CDC42: variants seen among roughly 807,000 people sequenced by gnomAD.
The protein encoded by CDC42 is cell division control protein 42 homolog.
In CDC42, 1 loss-of-function variant was observed where a neutral mutation model predicts 20.8. The observed-to-expected ratio is 0.05, with a 90% CI of 0.02 to 0.23. The LOEUF (loss-of-function observed/expected upper bound fraction) is 0.23. CDC42 is among the 10% of genes least tolerant of loss of function. The probability of loss-of-function intolerance (pLI) is 1.00; values close to 1 mark genes in which losing one functional copy is unlikely to be tolerated. For synonymous variants in CDC42, 72 were observed against 84.8 expected (o/e 0.85, Z 0.83); for missense variants, 49 against 227.9 (o/e 0.21, Z 5.05).
chr1:22,095,527 C>T lies in CDC42; in HGVS notation c.*4010C>T, dbSNP rs764227733. Among the ~76,000 whole-genome samples the T allele has an allele frequency of 8.5e-5, 13 of 152,074 alleles. No homozygotes were observed. The highest frequency in any genetic ancestry group is 1.8e-4 in the Non-Finnish European group (12 of 68,014). ...CTCGTGATCCGCCCGCCTTGGCCTC[C>T]CAAAGTGCTAGGATTACAGGCGTGA... is the stretch of plus-strand genomic sequence containing the variant. On this transcript the variant is annotated 3_prime_UTR_variant, in exon 6 of 6. Coordinates refer to ENST00000656825, the MANE Select transcript of CDC42 (RefSeq NM_001791.4).
intron 1 of CDC42, chr1:22,068,636 A>G (rs1216333443): frequency 1.3e-5 from 2 of 152,528 alleles, no homozygotes; most frequent in African/African-American, 2.4e-5. Flanking sequence ...TCTTCACATA[A>G]CAAGAGATGC....
chr1:22,055,798 T>C (rs1645298782), intron 1 of CDC42, among the ~76,000 whole-genome samples: 1 of 151,844 alleles, frequency 6.6e-6, no homozygotes, highest in Non-Finnish European at 1.5e-5. Context: ...CAGGCTTTCT[T>C]GGAAGTAAAA....
chr1:22,090,138 C>T, intron 5 of CDC42: 1 of 1,450,674 alleles, frequency 6.9e-7, no homozygotes, highest in Non-Finnish European at 9.2e-7. Flanking sequence ...GCCTCTGCGT[C>T]TTTTTACTCA....
chr1:22,096,324 A>T lies in CDC42; in HGVS notation c.*4807A>T, dbSNP rs1348784419. Reference sequence around the variant, plus strand: ...TAGGTTTTTTTAAAGCAATTAAGGCACTGAGGATATACAGAGAGTAAAATA... The same window carrying T: ...TAGGTTTTTTTAAAGCAATTAAGGCTCTGAGGATATACAGAGAGTAAAATA... On this transcript the variant is annotated 3_prime_UTR_variant, in exon 6 of 6. Transcript: ENST00000656825. Among the ~76,000 whole-genome samples, 2 of 152,146 alleles carry T rather than the reference A, an allele frequency of 1.3e-5. No individual in the cohort carries two copies. Among genetic ancestry groups the T allele is most frequent in the African/African-American group, 4.8e-5 (2 of 41,422 alleles).
chr1:22,076,169 G>A (rs921322838), intron 1 of CDC42, among the ~76,000 whole-genome samples: 3 of 152,140 alleles, frequency 2.0e-5, no homozygotes, highest in African/African-American at 7.2e-5. Context: ...ATCAAGAGCA[G>A]GGACTTGAGG....
intron 1 of CDC42, among the ~76,000 whole-genome samples, chr1:22,070,428 C>T (rs1186944138): frequency 6.9e-6 from 1 of 144,398 alleles, no homozygotes; most frequent in African/African-American, 2.6e-5. Flanking sequence ...CCTTTGTTGT[C>T]CTCTGCCTTT....
chr1:22,056,863 A>G (rs1645309433), intron 1 of CDC42, among the ~76,000 whole-genome samples: 1 of 152,270 alleles, frequency 6.6e-6, no homozygotes. Context: ...CATGGTATTC[A>G]CTAAGCACTG....
At chr1:22,081,677 A>G (rs763869197) in intron 2 of CDC42, 45 bp from the exon 3 acceptor site, 2 of 1,214,996 alleles carry the variant, frequency 1.6e-6, no homozygotes, top group East Asian at 4.6e-5. Context: ...TCCCATTTTA[A>G]CTCTCTCCTT....
Position 22,100,402 on chromosome 1 carries a change from G to C in CDC42, c.*8885G>C, listed in dbSNP as rs775850156. Among the ~76,000 whole-genome samples, 2 of 152,238 alleles carry C rather than the reference G, an allele frequency of 1.3e-5. No individual in the cohort carries two copies. The highest frequency in any genetic ancestry group is 2.9e-5 in the Non-Finnish European group (2 of 68,048). ...GAAACAACTTGGCATTGTTGGTGTTGTGCGAAGTACATGCATAGGCTTTGG... is the reference window on the plus strand; with the variant it reads ...GAAACAACTTGGCATTGTTGGTGTTCTGCGAAGTACATGCATAGGCTTTGG... On this transcript the variant is annotated 3_prime_UTR_variant, in exon 6 of 6. Coordinates refer to ENST00000656825, the MANE Select transcript of CDC42 (RefSeq NM_001791.4).
chr1:22,066,702 C>T (rs1315000295), intron 1 of CDC42, among the ~76,000 whole-genome samples: 1 of 136,870 alleles, frequency 7.3e-6, no homozygotes, highest in African/African-American at 2.7e-5. Flanking sequence ...GATGATGATT[C>T]GAGCTGAGAT....
chr1:22,081,285 G>A (rs1380209063), intron 2 of CDC42, among the ~76,000 whole-genome samples: 1 of 152,080 alleles, frequency 6.6e-6, no homozygotes, highest in Admixed American at 6.5e-5. Flanking sequence ...ATCTTTTCTA[G>A]GACTCTGAAA....
intron 1 of CDC42, among the ~76,000 whole-genome samples, chr1:22,053,770 A>G (rs987017732): frequency 9.9e-5 from 15 of 152,134 alleles, no homozygotes; most frequent in African/African-American, 3.6e-4. Flanking sequence ...TTCACAGATG[A>G]TGTTTTGAAA....
chr1:22,063,241 T>C (rs192057532), intron 1 of CDC42, among the ~76,000 whole-genome samples: 73 of 152,256 alleles, frequency 4.8e-4, no homozygotes, highest in Admixed American at 1.7e-3. Context: ...GTGGCACTCA[T>C]ATTTCATAGT....
At chr1:22,082,875 A>ATTTTTTTTTTTTTTTT (rs3036839) in intron 3 of CDC42, among the ~76,000 whole-genome samples, 1 of 140,212 alleles carries the variant, frequency 7.1e-6, no homozygotes. Flanking sequence ...CACAGAGAAA[A>ATTTTTTTTTTTTTTTT]TTTTTATTTT....
chr1:22,066,054 G>T (rs949398417), intron 1 of CDC42, among the ~76,000 whole-genome samples: 1 of 152,074 alleles, frequency 6.6e-6, no homozygotes, highest in East Asian at 1.9e-4. Flanking sequence ...GTGCCTGGGC[G>T]TTTTTTTCAT....
At chr1:22,056,724 T>C (rs1645308105) in intron 1 of CDC42, among the ~76,000 whole-genome samples, 1 of 152,258 alleles carries the variant, frequency 6.6e-6, no homozygotes, top group Non-Finnish European at 1.5e-5. Flanking sequence ...AAACCAGGCT[T>C]TCTGCCACCA....
intron 1 of CDC42, among the ~76,000 whole-genome samples, chr1:22,071,950 T>C (rs1175042130): frequency 6.6e-6 from 1 of 152,140 alleles, no homozygotes; most frequent in African/African-American, 2.4e-5. Context: ...GCCCTCACTT[T>C]AGGCAGCAGC....
rs1264685799 is a variant in CDC42 at position 22,091,643 on chromosome 1, C to T, written c.*126C>T. The T allele has an allele frequency of 1.7e-6, 1 of 580,318 alleles. No homozygotes were observed. Among genetic ancestry groups the T allele is most frequent in the Admixed American group, 3.0e-5 (1 of 33,016 alleles). The allele number at this position is 580,318 out of a possible 1,614,324, so 35.9% of individuals were successfully genotyped here. Reference sequence around the variant, plus strand: ...ATAATGACAAATGCCCTGCACCTACCCACATGCACTCGTGTGAGACAAGGC... The same window carrying T: ...ATAATGACAAATGCCCTGCACCTACTCACATGCACTCGTGTGAGACAAGGC... On this transcript the variant is annotated 3_prime_UTR_variant, in exon 6 of 6. Transcript: ENST00000656825.
At chr1:22,078,886 C>CTTTTTTTTTTT (rs34952712) in intron 2 of CDC42, 1 of 913,754 alleles carries the variant, frequency 1.1e-6, no homozygotes, top group Non-Finnish European at 1.4e-6. Flanking sequence ...AATGAGGTGA[C>CTTTTTTTTTTT]TTTTTTTTTT....
Sources: gnomAD v4.1 joint callset for allele counts (sites outside exome capture counted in the v4.1 genomes callset) on GRCh38, gnomAD v4.1.1 for gene constraint, MANE v1.5 for transcripts, NCBI Gene and HGNC (gene_info 2026-07-23, HGNC 2026-07-21) for gene names.